Variants in NXPH1 observed in about 807,000 individuals in gnomAD.
NXPH1 encodes neurexophilin 1.
In NXPH1, 5 loss-of-function variants were observed where a neutral mutation model predicts 23.7. The ratio of observed to expected loss-of-function variants is 0.21; its 90% confidence interval spans 0.11 to 0.44. The LOEUF (loss-of-function observed/expected upper bound fraction) is 0.44. Among genes scored for constraint, NXPH1 ranks in the 20% least tolerant of loss-of-function variants. NXPH1 has a pLI of 0.99. For missense variants in NXPH1, 324 were observed against 321.6 expected (o/e 1.01, Z -0.06); for synonymous variants, 144 against 122.2 (o/e 1.18, Z -1.18).
At chr7:8,444,961 G>A (rs1816374454) in intron 2 of NXPH1, among the ~76,000 whole-genome samples, 1 of 152,092 alleles carries the variant, frequency 6.6e-6, no homozygotes, top group African/African-American at 2.4e-5. Flanking sequence ...GAGTGTCTTT[G>A]TTTCCTTGTG....
At chr7:8,590,919 A>T (rs534283956) in intron 2 of NXPH1, among the ~76,000 whole-genome samples, 86 of 152,178 alleles carry the variant, frequency 5.7e-4, no homozygotes, top group Non-Finnish European at 9.7e-4. Context: ...TTTTTAAAAA[A>T]ATTACATCGG....
chr7:8,486,399 G>T lies in NXPH1; in HGVS notation c.54+50632G>T, dbSNP rs867372025. 3.3e-5 allele frequency among the ~76,000 whole-genome samples: 5 copies of T among 152,278 alleles called. No individual in the cohort carries two copies. In the Middle Eastern group the frequency reaches 0.01, roughly 311 times the overall value. On this transcript the variant is annotated intron_variant, in intron 2 of 2. Coordinates refer to ENST00000405863, the MANE Select transcript of NXPH1 (RefSeq NM_152745.3). ...CTGATTAATTTTCTCCTCTGCAGCA[G>T]ATAAAGGCTGGCCTATTGTTTTAGT...
chr7:8,735,746 A>T (rs1001794848), intron 2 of NXPH1, among the ~76,000 whole-genome samples: 1 of 152,092 alleles, frequency 6.6e-6, no homozygotes, highest in East Asian at 1.9e-4. Context: ...GTAGAATGCT[A>T]CTGTGAATTC....
At chr7:8,504,998 G>C (rs1446003548) in intron 2 of NXPH1, among the ~76,000 whole-genome samples, 1 of 152,030 alleles carries the variant, frequency 6.6e-6, no homozygotes, top group African/African-American at 2.4e-5. Context: ...CATTCAGTTT[G>C]AATGCCCTGC....
chr7:8,565,776 A>C (rs1326027360), intron 2 of NXPH1, among the ~76,000 whole-genome samples: 1 of 151,876 alleles, frequency 6.6e-6, no homozygotes, highest in African/African-American at 2.4e-5. Context: ...CGTTACTTTT[A>C]ATGAGAGTTT....
At chr7:8,672,439 G>T (rs2349771) in intron 2 of NXPH1, among the ~76,000 whole-genome samples, 91,089 of 151,290 alleles carry the variant, frequency 0.6, 28,700 homozygotes, top group Middle Eastern at 0.75. Context: ...CCTGCACATT[G>T]TGCACATGTA....
intron 2 of NXPH1, among the ~76,000 whole-genome samples, chr7:8,657,736 A>G (rs1173267555): frequency 6.6e-6 from 1 of 152,254 alleles, no homozygotes; most frequent in African/African-American, 2.4e-5. Context: ...ATATTAAGAA[A>G]GCAATACTGG....
At chr7:8,698,921 A>C (rs1779577833) in intron 2 of NXPH1, among the ~76,000 whole-genome samples, 1 of 152,146 alleles carries the variant, frequency 6.6e-6, no homozygotes, top group Non-Finnish European at 1.5e-5. Flanking sequence ...TATCAGGGTA[A>C]AAATTTATTT....
intron 2 of NXPH1, among the ~76,000 whole-genome samples, chr7:8,550,712 T>C (rs1160816996): frequency 1.3e-5 from 2 of 151,626 alleles, no homozygotes; most frequent in Admixed American, 1.3e-4. Flanking sequence ...ACAGCTATAG[T>C]TATATCTATA....
intron 2 of NXPH1, among the ~76,000 whole-genome samples, chr7:8,519,537 A>T (rs542051939): frequency 6.6e-6 from 1 of 152,338 alleles, no homozygotes; most frequent in South Asian, 2.1e-4. Flanking sequence ...TAGGTTATAC[A>T]AGGAAAGAGT....
chr7:8,522,483 T>A (rs1014237298), intron 2 of NXPH1, among the ~76,000 whole-genome samples: 5 of 152,202 alleles, frequency 3.3e-5, no homozygotes, highest in African/African-American at 1.2e-4. Context: ...TTTTATTGAG[T>A]ATGCATTATT....
At chr7:8,492,944 C>T (rs905203120) in intron 2 of NXPH1, among the ~76,000 whole-genome samples, 1 of 151,946 alleles carries the variant, frequency 6.6e-6, no homozygotes, top group Non-Finnish European at 1.5e-5. Flanking sequence ...GAAGGAAAGG[C>T]CTTTTCTTTT....
intron 2 of NXPH1, among the ~76,000 whole-genome samples, chr7:8,494,795 T>C (rs1817309514): frequency 6.6e-6 from 1 of 152,058 alleles, no homozygotes; most frequent in Admixed American, 6.6e-5. Flanking sequence ...GCATATAGAA[T>C]ACAACTCAAC....
At chr7:8,643,949 T>C (rs2115145965) in intron 2 of NXPH1, among the ~76,000 whole-genome samples, 1 of 152,320 alleles carries the variant, frequency 6.6e-6, no homozygotes, top group South Asian at 2.1e-4. Context: ...TTTTTGCTAA[T>C]AGTAATACTG....
At chr7:8,657,803 G>A (rs1233094288) in intron 2 of NXPH1, among the ~76,000 whole-genome samples, 1 of 152,222 alleles carries the variant, frequency 6.6e-6, no homozygotes, top group African/African-American at 2.4e-5. Flanking sequence ...CAAGGGAGGT[G>A]CATCACCTGA....
At chr7:8,567,688 T>C (rs906663515) in intron 2 of NXPH1, among the ~76,000 whole-genome samples, 2 of 151,912 alleles carry the variant, frequency 1.3e-5, no homozygotes, top group Non-Finnish European at 2.9e-5. Context: ...GCCACCAGAC[T>C]GAAGCCTGCA....
intron 2 of NXPH1, among the ~76,000 whole-genome samples, chr7:8,498,633 G>A (rs911071647): frequency 6.6e-6 from 1 of 151,974 alleles, no homozygotes; most frequent in Non-Finnish European, 1.5e-5. Flanking sequence ...CTCTTTTTCA[G>A]TTCTATTGGG....
intron 2 of NXPH1, among the ~76,000 whole-genome samples, chr7:8,492,957 C>G (rs1035078025): frequency 2.0e-5 from 3 of 152,030 alleles, no homozygotes; most frequent in African/African-American, 7.2e-5. Context: ...TTTCTTTTGA[C>G]TCTCCTAAAA....
chr7:8,499,550 A>G (rs1817396619), intron 2 of NXPH1, among the ~76,000 whole-genome samples: 1 of 152,092 alleles, frequency 6.6e-6, no homozygotes, highest in Non-Finnish European at 1.5e-5. Flanking sequence ...AGCTACAAAA[A>G]CAGACAGTGC....
Sources: allele counts gnomAD v4.1 joint callset (sites outside exome capture counted in the v4.1 genomes callset), GRCh38; gene constraint gnomAD v4.1.1; transcripts MANE v1.5; gene names NCBI Gene and HGNC (gene_info 2026-07-23, HGNC 2026-07-21).